Variants in HECW1 observed in about 807,000 individuals in gnomAD.
The protein encoded by HECW1 is HECT, C2 and WW domain containing E3 ubiquitin protein ligase 1, also known as E3 ubiquitin-protein ligase HECW1.
In HECW1, 61 loss-of-function variants were observed where a neutral mutation model predicts 182.3. The ratio of observed to expected loss-of-function variants is 0.33; its 90% confidence interval spans 0.27 to 0.41. HECW1 has a LOEUF of 0.41. HECW1 is among the 10% of genes least tolerant of loss of function. The pLI, the probability that HECW1 is intolerant of heterozygous loss-of-function variation, is 1.00. For missense variants in HECW1, 1,739 were observed against 2,108.9 expected (o/e 0.82, Z 3.44); for synonymous variants, 859 against 832.6 (o/e 1.03, Z -0.55).
Position 43,501,208 on chromosome 7 carries a change from TGCAGTC to T in HECW1, c.3522-4_3523del. 1 of 1,020,592 alleles carries T rather than the reference TGCAGTC, an allele frequency of 9.8e-7. No homozygotes were observed. The highest frequency in any genetic ancestry group is 2.4e-5 in the East Asian group (1 of 41,174). 63.2% of individuals were successfully genotyped at this position (1,020,592 alleles called of 1,614,324 possible). The stretch of plus-strand genomic sequence containing the variant: ...CTTTTTTTTTTTTTTTTTTTTCATA[TGCAGTC>T]TCTTTGAAGAAGAGATTATGTCCTA... On this transcript the variant is annotated splice_acceptor_variant and splice_polypyrimidine_tract_variant and coding_sequence_variant and intron_variant, in exon 21 of 30. Transcript: ENST00000395891. LOFTEE classifies it high-confidence loss of function.
chr7:43,436,072 G>A (rs1280740856), intron 8 of HECW1, among the ~76,000 whole-genome samples: 2 of 149,676 alleles, frequency 1.3e-5, no homozygotes, highest in Non-Finnish European at 3.0e-5. Flanking sequence ...GTTGAGGCAG[G>A]AGAATGGCGT....
chr7:43,458,780 G>A (rs781010051), intron 13 of HECW1, among the ~76,000 whole-genome samples: 15 of 152,060 alleles, frequency 9.9e-5, no homozygotes, highest in Non-Finnish European at 1.6e-4. Flanking sequence ...ACAGAAAGTC[G>A]TTTTTTTGAT....
chr7:43,278,125 G>C (rs1584297199), intron 3 of HECW1, among the ~76,000 whole-genome samples: 2 of 152,148 alleles, frequency 1.3e-5, no homozygotes, highest in African/African-American at 4.8e-5. Context: ...GCCCCTGAAT[G>C]TTCCCCTGAA....
intron 17 of HECW1, among the ~76,000 whole-genome samples, 154 bp downstream of exon 17, chr7:43,479,898 C>T (rs925286062): frequency 5.3e-5 from 8 of 152,088 alleles, no homozygotes; most frequent in South Asian, 4.1e-4. Flanking sequence ...GAATGATGAC[C>T]GGGACACCCA....
At chr7:43,197,184 A>C (rs1236179141) in intron 2 of HECW1, among the ~76,000 whole-genome samples, 1 of 152,088 alleles carries the variant, frequency 6.6e-6, no homozygotes, top group Non-Finnish European at 1.5e-5. Context: ...TTCTGTGTAC[A>C]CTCAAGAAAA....
At chr7:43,261,868 T>A (rs950866466) in intron 3 of HECW1, among the ~76,000 whole-genome samples, 2 of 152,118 alleles carry the variant, frequency 1.3e-5, no homozygotes, top group Non-Finnish European at 2.9e-5. Context: ...TTTTATTTTT[T>A]ATTTTTTTTA....
chr7:43,266,377 T>A (rs922804240), intron 3 of HECW1, among the ~76,000 whole-genome samples: 8 of 152,166 alleles, frequency 5.3e-5, no homozygotes, highest in African/African-American at 1.9e-4. Flanking sequence ...ACTCTGTCAC[T>A]CAGGCTGGAG....
chr7:43,161,447 A>C (rs1026799534), intron 2 of HECW1, among the ~76,000 whole-genome samples: 4 of 152,194 alleles, frequency 2.6e-5, no homozygotes, highest in South Asian at 2.1e-4. Context: ...GTGTAATTAC[A>C]GTGCTTGGTG....
intron 24 of HECW1, among the ~76,000 whole-genome samples, chr7:43,524,563 T>A (rs951821230): frequency 2.6e-5 from 4 of 152,258 alleles, no homozygotes; most frequent in African/African-American, 9.6e-5. Context: ...ACTTTTCATC[T>A]TCAAAGAACC....
chr7:43,428,647 C>T (rs954779578), intron 8 of HECW1, among the ~76,000 whole-genome samples: 2 of 152,204 alleles, frequency 1.3e-5, no homozygotes, highest in African/African-American at 4.8e-5. Context: ...CCAAGATATA[C>T]AGATGAGGAG....
intron 19 of HECW1, among the ~76,000 whole-genome samples, chr7:43,493,680 G>T (rs1353319600): frequency 1.3e-5 from 2 of 152,178 alleles, no homozygotes; most frequent in East Asian, 3.9e-4. Flanking sequence ...AAGGGATAGC[G>T]ATCTGAAATG....
intron 3 of HECW1, among the ~76,000 whole-genome samples, chr7:43,293,540 G>C (rs143125588): frequency 0.011 from 1,607 of 152,142 alleles, 31 homozygotes; most frequent in African/African-American, 0.036. Context: ...CTAGGAAGTC[G>C]GCATGAAACA....
At chr7:43,341,863 G>A (rs567620181) in intron 5 of HECW1, among the ~76,000 whole-genome samples, 2 of 151,724 alleles carry the variant, frequency 1.3e-5, no homozygotes, top group East Asian at 3.9e-4. Flanking sequence ...TTCTGTTAGA[G>A]CCATATATTA....
At chr7:43,247,058 G>C (rs11978689) in intron 3 of HECW1, among the ~76,000 whole-genome samples, 17,840 of 152,164 alleles carry the variant, frequency 0.12, 1,793 homozygotes, top group African/African-American at 0.27. Flanking sequence ...ACTAGGCAAT[G>C]AATCTGTTCT....
intron 2 of HECW1, among the ~76,000 whole-genome samples, chr7:43,163,627 C>A (rs1266488267): frequency 6.6e-6 from 1 of 152,166 alleles, no homozygotes; most frequent in African/African-American, 2.4e-5. Context: ...CAGCCAGAAC[C>A]CAGATTCAGT....
At chr7:43,363,347 T>G (rs535599244) in intron 6 of HECW1, among the ~76,000 whole-genome samples, 2 of 152,344 alleles carry the variant, frequency 1.3e-5, no homozygotes, top group East Asian at 1.9e-4. Context: ...AGGTGCCTGA[T>G]TGCTACTGCC....
chr7:43,182,068 G>C (rs1792920056), intron 2 of HECW1, among the ~76,000 whole-genome samples: 1 of 152,170 alleles, frequency 6.6e-6, no homozygotes, highest in Non-Finnish European at 1.5e-5. Context: ...ACAGGCGTGA[G>C]CCACCGCGCC....
At chr7:43,181,735 C>G (rs1421355849) in intron 2 of HECW1, among the ~76,000 whole-genome samples, 2 of 150,804 alleles carry the variant, frequency 1.3e-5, no homozygotes, top group Non-Finnish European at 2.9e-5. Flanking sequence ...TGGATATTAA[C>G]TCTTTGTCAG....
chr7:43,521,561 C>T (rs1040863964), intron 24 of HECW1, among the ~76,000 whole-genome samples: 1 of 152,150 alleles, frequency 6.6e-6, no homozygotes, highest in Non-Finnish European at 1.5e-5. Flanking sequence ...GAAACTTAAC[C>T]CCCAAGGTGA....
Sources: gnomAD v4.1 joint callset for allele counts (sites outside exome capture counted in the v4.1 genomes callset) on GRCh38, gnomAD v4.1.1 for gene constraint, MANE v1.5 for transcripts, NCBI Gene and HGNC (gene_info 2026-07-23, HGNC 2026-07-21) for gene names.